Variants in LINC00632 observed in about 807,000 individuals in gnomAD.
The protein encoded by LINC00632 is long independently transcribed non-coding RNA 632.
At chrX:140,726,632 A>G (rs1343354177) in intron 2 of LINC00632, among the ~76,000 whole-genome samples, 1 of 111,493 alleles carries the variant, frequency 9.0e-6, no homozygotes, top group Non-Finnish European at 1.9e-5. Context: ...ACAGAATTCC[A>G]TAACATCACG....
At chrX:140,732,612 A>G (rs1384443362) in intron 2 of LINC00632, among the ~76,000 whole-genome samples, 1 of 111,908 alleles carries the variant, frequency 8.9e-6, no homozygotes, top group East Asian at 2.8e-4. Context: ...TACATGTGCC[A>G]GTGTAGGTAT....
At chrX:140,767,391 A>T (rs1931709390) in intron 3 of LINC00632, among the ~76,000 whole-genome samples, 1 of 111,748 alleles carries the variant, frequency 8.9e-6, no homozygotes, top group Non-Finnish European at 1.9e-5. Flanking sequence ...ATTTTTTTCC[A>T]TTTTTGTTAA....
chrX:140,762,238 A>C (rs866279615), intron 3 of LINC00632, among the ~76,000 whole-genome samples: 1 of 103,541 alleles, frequency 9.7e-6, no homozygotes, highest in African/African-American at 4.0e-5. Flanking sequence ...AGAGAGAGAG[A>C]GAGAGCACTC....
intron 4 of LINC00632, among the ~76,000 whole-genome samples, chrX:140,774,314 C>T (rs779668620): frequency 8.9e-6 from 1 of 112,096 alleles, no homozygotes; most frequent in Non-Finnish European, 1.9e-5. Flanking sequence ...TCAGGTAAGG[C>T]TTAGATGATT....
At chrX:140,769,478 A>C (rs763528451) in intron 3 of LINC00632, among the ~76,000 whole-genome samples, 39 of 97,257 alleles carry the variant, frequency 4.0e-4, no homozygotes, top group Admixed American at 3.1e-3. Context: ...TCTCCACCCC[A>C]CCCCCCCCAT....
exon 5 of LINC00632, among the ~76,000 whole-genome samples, chrX:140,785,189 TAATA>T (rs1348462899): frequency 7.7e-5 from 7 of 91,081 alleles, no homozygotes; most frequent in Admixed American, 1.1e-4. Flanking sequence ...AATAATATAA[TAATA>T]ATAATAATAA....
chrX:140,728,632 C>T (rs1197598854), intron 2 of LINC00632, among the ~76,000 whole-genome samples: 4 of 111,622 alleles, frequency 3.6e-5, no homozygotes, highest in Non-Finnish European at 7.5e-5. Flanking sequence ...CCCACAACAA[C>T]GTGGAAAACT....
chrX:140,730,325 C>T (rs1281215074), intron 2 of LINC00632, among the ~76,000 whole-genome samples: 1 of 111,124 alleles, frequency 9.0e-6, no homozygotes, highest in African/African-American at 3.3e-5. Flanking sequence ...CACCCACTTT[C>T]CTATCAGAAC....
chrX:140,721,646 C>T (rs746284534), intron 2 of LINC00632, among the ~76,000 whole-genome samples: 4 of 110,387 alleles, frequency 3.6e-5, no homozygotes, highest in African/African-American at 1.3e-4. Context: ...GGTACTGGTC[C>T]GTGGCCCAGG....
At chrX:140,747,486 C>T (rs1486767297) in intron 3 of LINC00632, among the ~76,000 whole-genome samples, 3 of 102,370 alleles carry the variant, frequency 2.9e-5, no homozygotes, top group East Asian at 3.2e-4. Flanking sequence ...GCTGAGATCG[C>T]GCCATTGCAC....
intron 1 of LINC00632, among the ~76,000 whole-genome samples, chrX:140,710,646 GA>G (rs777766556): frequency 1.9e-4 from 19 of 100,038 alleles, no homozygotes; most frequent in South Asian, 9.2e-4. Context: ...CAAGAAAAAC[GA>G]AAAAAAAAAG....
chrX:140,718,560 G>A (rs761180558), intron 2 of LINC00632, among the ~76,000 whole-genome samples: 2 of 109,805 alleles, frequency 1.8e-5, no homozygotes, highest in African/African-American at 3.3e-5. Flanking sequence ...TTACAGGCCC[G>A]CCACCACAAG....
At chrX:140,778,534 G>A (rs1414052461) in exon 5 of LINC00632, among the ~76,000 whole-genome samples, 1 of 109,363 alleles carries the variant, frequency 9.1e-6, no homozygotes, top group African/African-American at 3.3e-5. Context: ...AAACCTGGGA[G>A]GCGGAGGTTG....
At chrX:140,741,503 G>A (rs1384257522) in intron 3 of LINC00632, among the ~76,000 whole-genome samples, 1 of 112,105 alleles carries the variant, frequency 8.9e-6, no homozygotes, top group Non-Finnish European at 1.9e-5. Context: ...GCAGCTTGAA[G>A]AGATCCTCTG....
At chrX:140,749,743 AGTCAAGG>A (rs1343478334) in intron 3 of LINC00632, among the ~76,000 whole-genome samples, 2 of 111,301 alleles carry the variant, frequency 1.8e-5, no homozygotes. Context: ...ACAGTGGCAC[AGTCAAGG>A]CTCACTGCAG....
chrX:140,723,668 C>G (rs1183245266), intron 2 of LINC00632, among the ~76,000 whole-genome samples: 1 of 33,561 alleles, frequency 3.0e-5, no homozygotes, highest in Non-Finnish European at 5.8e-5. Context: ...ATTCCATATA[C>G]ACACATTCCA....
At chrX:140,723,064 GA>G (rs965804941) in intron 2 of LINC00632, among the ~76,000 whole-genome samples, 1 of 106,187 alleles carries the variant, frequency 9.4e-6, no homozygotes, top group African/African-American at 3.4e-5. Flanking sequence ...GAAAAGAAAA[GA>G]AAAAAACTTC....
exon 5 of LINC00632, among the ~76,000 whole-genome samples, chrX:140,788,079 A>G (rs1932042833): frequency 1.8e-5 from 2 of 110,302 alleles, no homozygotes; most frequent in African/African-American, 6.6e-5. Flanking sequence ...AAAAACAGGT[A>G]AAACTAAGCA....
At chrX:140,724,923 A>C (rs748875788) in intron 2 of LINC00632, among the ~76,000 whole-genome samples, 3 of 82,279 alleles carry the variant, frequency 3.6e-5, no homozygotes, top group Middle Eastern at 6.6e-3. Flanking sequence ...ATACACATAC[A>C]CATTCCGTAT....
Sources: gnomAD v4.1 joint callset for allele counts (sites outside exome capture counted in the v4.1 genomes callset) on GRCh38, gnomAD v4.1.1 for gene constraint, MANE v1.5 for transcripts, NCBI Gene and HGNC (gene_info 2026-07-23, HGNC 2026-07-21) for gene names.